Variants in ILDR2 observed in about 807,000 individuals in gnomAD.
ILDR2 encodes the protein immunoglobulin like domain containing receptor 2, also known as immunoglobulin-like domain-containing receptor 2.
In ILDR2, 25 loss-of-function variants were observed where a neutral mutation model predicts 66.8. That is an observed-to-expected ratio of 0.37 (90% CI 0.27 to 0.52). The LOEUF is 0.52. Among genes scored for constraint, ILDR2 ranks in the 20% least tolerant of loss-of-function variants. ILDR2 has a pLI of 0.88. For missense variants in ILDR2, 827 were observed against 876.8 expected (o/e 0.94, Z 0.72); for synonymous variants, 367 against 357.2 (o/e 1.03, Z -0.31).
chr1:166,948,857 G>T (rs996157666), intron 3 of ILDR2, among the ~76,000 whole-genome samples: 1 of 152,162 alleles, frequency 6.6e-6, no homozygotes, highest in African/African-American at 2.4e-5. Context: ...GGTAAGGGGT[G>T]GGAGAAGGAA....
chr1:166,917,045 C>T lies in ILDR2; in HGVS notation c.*2310G>A, dbSNP rs1277378750. The T allele has an allele frequency of 6.6e-6, 1 of 152,200 alleles. No homozygotes were observed. The highest frequency in any genetic ancestry group is 1.5e-5 in the Non-Finnish European group (1 of 68,066). The allele number at this position is 152,200 out of a possible 1,614,324, so 9.4% of individuals were successfully genotyped here. A position where few individuals can be genotyped will look rare whatever the true frequency, so the allele number is the denominator to read the frequency against. ...GCAAGTTGAAATCCAAAGCTGGTGA[C>T]TAAGAAATGTTTTTTATCATCTTTT... is the stretch of plus-strand genomic sequence containing the variant. On this transcript the variant is annotated 3_prime_UTR_variant, in exon 10 of 10. Transcript: ENST00000271417.
chr1:166,962,679 A>G (rs1226587874), intron 1 of ILDR2, among the ~76,000 whole-genome samples: 1 of 151,884 alleles, frequency 6.6e-6, no homozygotes, highest in East Asian at 1.9e-4. Context: ...GGAGTAGGGG[A>G]GTATCCTGAG....
rs1659761610 is a variant in ILDR2 at position 166,919,296 on chromosome 1, G to T, written c.*59C>A. Reference sequence around the variant, plus strand: ...CCTGGGCCTGCTGGTTCTTAGATTTGTGTCTTGTCCCCGTAGTCCATGTCT... The same window carrying T: ...CCTGGGCCTGCTGGTTCTTAGATTTTTGTCTTGTCCCCGTAGTCCATGTCT... On this transcript the variant is annotated 3_prime_UTR_variant, in exon 10 of 10. Coordinates refer to ENST00000271417, the MANE Select transcript of ILDR2 (RefSeq NM_199351.3). 1 of 1,495,118 alleles carries T rather than the reference G, an allele frequency of 6.7e-7. No homozygotes were observed. Among genetic ancestry groups the T allele is most frequent in the Non-Finnish European group, 9.3e-7 (1 of 1,079,762 alleles). 92.6% of individuals were successfully genotyped at this position (1,495,118 alleles called of 1,614,324 possible). A position where few individuals can be genotyped will look rare whatever the true frequency, so the allele number is the denominator to read the frequency against.
chr1:166,896,669 C>A (rs1357312135), intron 2 of ILDR2, among the ~76,000 whole-genome samples: 2 of 142,992 alleles, frequency 1.4e-5, no homozygotes, highest in African/African-American at 2.6e-5. Flanking sequence ...GATTCTCACT[C>A]TTGTTGCCCA....
rs867031675 is a variant in ILDR2, at chr1:166,920,744, G to A, written c.1847C>T (p.Ser616Leu). 2.7e-6 allele frequency: 4 copies of A among 1,459,124 alleles called. No individual in the cohort carries two copies. The highest frequency in any genetic ancestry group is 2.8e-5 in the East Asian group (1 of 35,712). 90.4% of individuals were successfully genotyped at this position (1,459,124 alleles called of 1,614,324 possible). ...RGRDLPYHSN[S>L]EKKRKKEPAK... ...GGGCTCCTTTTTCCTCTTCTTCTCCGAGTTGCTGTGGTAGGGCAGGTCGCG... is the reference window on the plus strand; with the variant it reads ...GGGCTCCTTTTTCCTCTTCTTCTCCAAGTTGCTGTGGTAGGGCAGGTCGCG... The change falls in exon 9 of 10, where the codon TCG (serine) becomes TTG (leucine). Residue 616 changes from serine to leucine, a missense_variant. This residue lies in a region of ILDR2 where 390 missense variants were observed against 353.6 expected (regional missense o/e 1.10). Transcript: ENST00000271417.
Position 166,975,293 on chromosome 1 carries a change from A to G in ILDR2, c.-25T>C, listed in dbSNP as rs1663528961. ...TCTTCCCCAACTTCCCAGCCGAATTACGGAGTGAGGAAAGTGGGAAATGGC... is the reference window on the plus strand; with the variant it reads ...TCTTCCCCAACTTCCCAGCCGAATTGCGGAGTGAGGAAAGTGGGAAATGGC... On this transcript the variant is annotated 5_prime_UTR_variant, in exon 1 of 10. Coordinates refer to ENST00000271417, the MANE Select transcript of ILDR2 (RefSeq NM_199351.3). 1.9e-6 allele frequency: 3 copies of G among 1,610,454 alleles called. No individual in the cohort carries two copies. Among genetic ancestry groups the G allele is most frequent in the African/African-American group, 1.3e-5 (1 of 74,820 alleles).
chr1:166,966,537 GTGTT>G (rs2102016367), intron 1 of ILDR2, among the ~76,000 whole-genome samples: 1 of 152,216 alleles, frequency 6.6e-6, no homozygotes, highest in Non-Finnish European at 1.5e-5. Context: ...AATAACTCTG[GTGTT>G]TGTTTACACA....
At chr1:166,956,387 T>C (rs779674262) in intron 3 of ILDR2, among the ~76,000 whole-genome samples, 21 of 152,114 alleles carry the variant, frequency 1.4e-4, no homozygotes, top group Non-Finnish European at 2.8e-4. Context: ...CTACCTTGCT[T>C]CAAAGGCCTC....
intron 1 of ILDR2, among the ~76,000 whole-genome samples, chr1:166,973,621 C>T (rs4657615): frequency 1.1e-4 from 15 of 134,312 alleles, no homozygotes; most frequent in Non-Finnish European, 2.2e-4. Context: ...CTCCCCCCCC[C>T]CCCCGATGCC....
chr1:166,922,641 G>A lies in ILDR2; in HGVS notation c.1163C>T (p.Pro388Leu), dbSNP rs1225484075. The stretch of plus-strand genomic sequence containing the variant: ...CTCTTTGTTATACTCCATGGCTGAG[G>A]GCCCGCGGCTTGCCCCACTGCTGCC... ...MGGSSGASRGPSAMEYNKEDR... is the reference protein window; with the variant it reads ...MGGSSGASRGLSAMEYNKEDR... Residue 388 changes from proline to leucine, a missense_variant, in exon 8 of 10, where the codon CCC (proline) becomes CTC (leucine). Around this residue, in one of 2 missense-constraint regions of ILDR2, gnomAD observed 437 missense variants for 523.2 expected, o/e 0.84. Transcript: ENST00000271417. 1.2e-6 allele frequency: 2 copies of A among 1,614,132 alleles called. No individual in the cohort carries two copies. Among genetic ancestry groups the A allele is most frequent in the Non-Finnish European group, 1.7e-6 (2 of 1,180,030 alleles).
At position 166,922,631 on chromosome 1, in the gene ILDR2, C is replaced by T. The variant is rs1239300082; in HGVS notation, c.1173G>A (p.Met391Ile). The T allele has an allele frequency of 6.2e-7, 1 of 1,614,172 alleles. No homozygotes were observed. The highest frequency in any genetic ancestry group is 2.2e-5 in the East Asian group (1 of 44,870). Residue 391 changes from methionine (M) to isoleucine (I), a missense_variant, in exon 8 of 10, where the codon ATG becomes ATA. Transcript: ENST00000271417. ...SSGASRGPSA[M>I]EYNKEDRESF... The stretch of plus-strand genomic sequence containing the variant: ...TCTCTCGATCCTCTTTGTTATACTC[C>T]ATGGCTGAGGGCCCGCGGCTTGCCC...
Position 166,936,192 on chromosome 1 carries a change from C to T in ILDR2, c.703+399G>A, listed in dbSNP as rs1436163752. 1.3e-5 allele frequency among the ~76,000 whole-genome samples: 2 copies of T among 152,156 alleles called. No homozygotes were observed. The highest frequency in any genetic ancestry group is 2.1e-4 in the South Asian group (1 of 4,824). On this transcript the variant is annotated intron_variant, in intron 5 of 9. Transcript: ENST00000271417. This position sits in a 1 kb window ranked among gnomAD's most constrained non-coding sequence, Gnocchi z 5.0. ...GGGTGCCCAAAGGCCACAGTTTGCA[C>T]ACTCTTCTCATATAAAAAGGAACTT...
At chr1:166,951,145 G>A (rs1661953752) in intron 3 of ILDR2, among the ~76,000 whole-genome samples, 1 of 152,132 alleles carries the variant, frequency 6.6e-6, no homozygotes, top group Non-Finnish European at 1.5e-5. Context: ...GGGTTGGGTG[G>A]TATACTACAG....
rs115945766 is a variant in ILDR2 at position 166,934,872 on chromosome 1, A to T, written c.880+429T>A. Among the ~76,000 whole-genome samples, 754 of 152,282 alleles carry T rather than the reference A, an allele frequency of 5.0e-3. 11 individuals are homozygous for T. The highest frequency in any genetic ancestry group is 0.017 in the African/African-American group (721 of 41,532). On this transcript the variant is annotated intron_variant, in intron 6 of 9. Coordinates refer to ENST00000271417, the MANE Select transcript of ILDR2 (RefSeq NM_199351.3). Reference sequence around the variant, plus strand: ...CTTCTTTGAACTGATTGTCTTTAGCATACTCTTTAGCATCTGATTATCCTA... The same window carrying T: ...CTTCTTTGAACTGATTGTCTTTAGCTTACTCTTTAGCATCTGATTATCCTA...
Position 166,921,392 on chromosome 1 carries a change from A to G in ILDR2, c.1212-13T>C, listed in dbSNP as rs1659930568. On this transcript the variant is annotated splice_polypyrimidine_tract_variant and intron_variant, in intron 8 of 9. Transcript: ENST00000271417. The surrounding 1 kb of genome is among the most constrained non-coding windows in gnomAD (Gnocchi z 5.3). ...GGAGCGCGGCTGGCTGCGGGCAGAG[A>G]AGGAGGGGGTCAGACGGCCGGTCCC... 1 of 1,546,182 alleles carries G rather than the reference A, an allele frequency of 6.5e-7. No individual in the cohort carries two copies. Among genetic ancestry groups the G allele is most frequent in the Non-Finnish European group, 8.7e-7 (1 of 1,144,548 alleles).
rs1158998225 is a variant in ILDR2 at position 166,909,859 on chromosome 1, C to T, written c.*9496G>A. 7.0e-6 allele frequency: 1 copy of T among 142,054 alleles called. No homozygotes were observed. The highest frequency in any genetic ancestry group is 2.7e-5 in the African/African-American group (1 of 37,636). 8.8% of individuals were successfully genotyped at this position (142,054 alleles called of 1,614,324 possible). On this transcript the variant is annotated 3_prime_UTR_variant, in exon 10 of 10. Coordinates refer to ENST00000271417, the MANE Select transcript of ILDR2 (RefSeq NM_199351.3). ...AACGTCTCAGAGAAAGAAAAAGAGC[C>T]AGAAAAAATCCACTGTGGCTATGCT...
chr1:166,940,043 G>T (rs1661219003), intron 3 of ILDR2, among the ~76,000 whole-genome samples: 1 of 152,092 alleles, frequency 6.6e-6, no homozygotes, highest in Non-Finnish European at 1.5e-5. Flanking sequence ...TCTATTTGTG[G>T]CCTAAAGATA....
At chr1:166,946,805 C>T (rs570573880) in intron 3 of ILDR2, among the ~76,000 whole-genome samples, 10 of 152,328 alleles carry the variant, frequency 6.6e-5, no homozygotes, top group African/African-American at 2.2e-4. Flanking sequence ...CTTCTAGTCT[C>T]CTAATATTTG....
intron 3 of ILDR2, among the ~76,000 whole-genome samples, chr1:166,941,397 G>A (rs187346575): frequency 2.0e-5 from 3 of 152,186 alleles, no homozygotes; most frequent in Non-Finnish European, 2.9e-5. Context: ...TAAGGCTTAC[G>A]CAGTTCCCTA....
Sources: gnomAD v4.1 joint callset for allele counts (sites outside exome capture counted in the v4.1 genomes callset) on GRCh38, gnomAD v4.1.1 for gene constraint, gnomAD v4.1.1 regional missense constraint, Gnocchi (gnomAD v3.1) non-coding constraint, MANE v1.5 for transcripts, NCBI Gene and HGNC (gene_info 2026-07-23, HGNC 2026-07-21) for gene names.